The following NID1 variants were observed in gnomAD, a reference collection of about 807,000 sequenced individuals.
The protein encoded by NID1 is nidogen-1.
Under a neutral mutation model 130.6 loss-of-function variants are expected in NID1, and 76 were observed. That is an observed-to-expected ratio of 0.58 (90% CI 0.48 to 0.70). The LOEUF is 0.70. Among genes scored for constraint, NID1 ranks in the 30% least tolerant of loss-of-function variants. NID1 has a pLI of 0.00. For missense variants in NID1, 1,517 were observed against 1,664.8 expected, an observed-to-expected ratio of 0.91 and a Z score of 1.54; for synonymous variants, 665 against 675.1, an observed-to-expected ratio of 0.98 and a Z score of 0.23.
intron 10 of NID1, among the ~76,000 whole-genome samples, chr1:236,016,156 GAA>G (rs199651920): frequency 1.4e-5 from 2 of 142,874 alleles, no homozygotes. Flanking sequence ...CCCTACTGAG[GAA>G]AAAAAAAAAA....
chr1:235,998,812 T>C (rs1355267769), intron 12 of NID1, among the ~76,000 whole-genome samples: 2 of 152,244 alleles, frequency 1.3e-5, no homozygotes, highest in African/African-American at 2.4e-5. Context: ...TGATTCTCAT[T>C]GCAATCCTAT....
intron 1 of NID1, among the ~76,000 whole-genome samples, chr1:236,057,920 C>T (rs1558452215): frequency 6.6e-6 from 1 of 152,314 alleles, no homozygotes; most frequent in South Asian, 2.1e-4. Flanking sequence ...CTGCCCCTCT[C>T]TCTAAGTTTG....
intron 10 of NID1, 72 bp from the exon 11 acceptor site, chr1:236,013,632 T>C: frequency 6.3e-7 from 1 of 1,581,622 alleles, no homozygotes; most frequent in Non-Finnish European, 8.6e-7. Context: ...CCCTCCCAGC[T>C]CTATAAAGAG....
intron 1 of NID1, among the ~76,000 whole-genome samples, chr1:236,054,413 G>A (rs976694474): frequency 4.6e-5 from 7 of 152,014 alleles, no homozygotes; most frequent in African/African-American, 7.2e-5. Context: ...CCGAGACTGC[G>A]TCATTGCACT....
At chr1:236,010,350 G>A (rs1456338309) in intron 12 of NID1, among the ~76,000 whole-genome samples, 1 of 147,414 alleles carries the variant, frequency 6.8e-6, no homozygotes, top group African/African-American at 2.5e-5. Context: ...TGTCACCCAG[G>A]ATGGGGTGTA....
At position 236,029,538 on chromosome 1, in the gene NID1, G is replaced by A. The variant is rs766601726; in HGVS notation, c.1738+12C>T. The A allele has an allele frequency of 1.7e-5, 27 of 1,552,062 alleles. No homozygotes were observed. The highest frequency in any genetic ancestry group is 7.0e-6 in the Non-Finnish European group (8 of 1,147,950). On this transcript the variant is annotated intron_variant, in intron 7 of 19. Transcript: ENST00000264187. Reference sequence around the variant, plus strand: ...GGTCTGGGGCTGGCCCTGGGACACAGCTGGGGCTCACCTGAGGTGGAGTAG... The same window carrying A: ...GGTCTGGGGCTGGCCCTGGGACACAACTGGGGCTCACCTGAGGTGGAGTAG...
chr1:236,034,602 CAG>C (rs957082224), intron 5 of NID1, among the ~76,000 whole-genome samples: 5 of 152,152 alleles, frequency 3.3e-5, no homozygotes, highest in African/African-American at 1.2e-4. Context: ...CCTATAAAGA[CAG>C]AAAGTAGGTG....
intron 3 of NID1, among the ~76,000 whole-genome samples, chr1:236,045,206 CAAAA>C (rs201261106): frequency 1.1e-5 from 1 of 89,712 alleles, no homozygotes; most frequent in Non-Finnish European, 2.4e-5. Context: ...GGCTCTGTCT[CAAAA>C]AAAAAAAAAA....
In NID1 at chr1:236,025,994, C is replaced by T; in HGVS notation, c.1886G>A (p.Ser629Asn). ...VHDDSRPALP[S>N]TQQLSVDSVF... is the part of the protein sequence containing the mutation. ...GCTGTCCACCGAGAGCTGCTGGGTG[C>T]TGGGCAGGGCTGGCCGGGAGTCATC... The change falls in exon 8 of 20, where the codon AGC (serine) becomes AAC (asparagine). Residue 629 changes from serine (S) to asparagine (N), a missense_variant. This residue lies in a region of NID1 where 1,329 missense variants were observed against 1,429.2 expected (regional missense o/e 0.93). Transcript: ENST00000264187. 6.2e-7 allele frequency: 1 copy of T among 1,613,564 alleles called. No homozygotes were observed. Among genetic ancestry groups the T allele is most frequent in the Non-Finnish European group, 8.5e-7 (1 of 1,179,912 alleles).
chr1:235,982,933 G>T (rs1459092213), intron 15 of NID1, among the ~76,000 whole-genome samples: 3 of 152,148 alleles, frequency 2.0e-5, no homozygotes, highest in African/African-American at 7.2e-5. Flanking sequence ...GAGTGCAGTG[G>T]TGCCATCTCA....
chr1:236,034,599 A>G (rs1410291883), intron 5 of NID1, among the ~76,000 whole-genome samples: 6 of 152,210 alleles, frequency 3.9e-5, no homozygotes, highest in African/African-American at 1.4e-4. Context: ...ACACCTATAA[A>G]GACAGAAAGT....
At chr1:236,046,183 G>C (rs768156980) in intron 2 of NID1, among the ~76,000 whole-genome samples, 1 of 152,176 alleles carries the variant, frequency 6.6e-6, no homozygotes, top group Non-Finnish European at 1.5e-5. Context: ...TGACTTGGGC[G>C]TGATACTTGA....
intron 3 of NID1, among the ~76,000 whole-genome samples, 177 bp downstream of exon 3, chr1:236,045,280 A>G (rs1183233355): frequency 6.6e-6 from 1 of 152,040 alleles, no homozygotes; most frequent in African/African-American, 2.4e-5. Flanking sequence ...ATATCTGTTC[A>G]TTCTAAAAAT....
At chr1:236,039,029 T>A (rs1659361517) in intron 4 of NID1, among the ~76,000 whole-genome samples, 1 of 140,494 alleles carries the variant, frequency 7.1e-6, no homozygotes, top group Non-Finnish European at 1.5e-5. Flanking sequence ...TACATTATAT[T>A]ATATAATATA....
At chr1:236,028,025 T>C (rs928687986) in intron 7 of NID1, among the ~76,000 whole-genome samples, 6 of 152,194 alleles carry the variant, frequency 3.9e-5, no homozygotes, top group Admixed American at 3.3e-4. Context: ...TCGGCACTTC[T>C]ATTTCTAGGA....
chr1:235,993,815 G>C lies in NID1; in HGVS notation c.2585C>G (p.Ala862Gly), dbSNP rs144659138. 1 of 1,614,048 alleles carries C rather than the reference G, an allele frequency of 6.2e-7. No homozygotes were observed. The highest frequency in any genetic ancestry group is 8.5e-7 in the Non-Finnish European group (1 of 1,179,956). ...AGGAATGGGTCGCTGTGGGTCTGTC[G>C]CCCCCGCTGCCCCGAGAATGTGTTC... is the stretch of plus-strand genomic sequence containing the variant. ...EREHILGAAGATDPQRPIPPG... is the reference protein window; with the variant it reads ...EREHILGAAGGTDPQRPIPPG... Residue 862 changes from alanine to glycine, a missense_variant, in exon 13 of 20, where the codon GCG becomes GGG. Around this residue, in one of 3 missense-constraint regions of NID1, gnomAD observed 1,329 missense variants for 1,429.2 expected, o/e 0.93. Coordinates refer to ENST00000264187, the MANE Select transcript of NID1 (RefSeq NM_002508.3).
At chr1:236,005,820 G>A (rs1409715448) in intron 12 of NID1, among the ~76,000 whole-genome samples, 1 of 152,182 alleles carries the variant, frequency 6.6e-6, no homozygotes, top group East Asian at 1.9e-4. Context: ...TATCCAGCCT[G>A]CACTTTCTAA....
intron 3 of NID1, among the ~76,000 whole-genome samples, chr1:236,043,475 G>A (rs1659510776): frequency 6.6e-6 from 1 of 152,142 alleles, no homozygotes; most frequent in African/African-American, 2.4e-5. Context: ...AAGTGTGAGT[G>A]AAAACATTGC....
chr1:236,017,323 A>G, intron 9 of NID1, 50 bp from the exon 10 acceptor site: 2 of 1,593,188 alleles, frequency 1.3e-6, no homozygotes, highest in Non-Finnish European at 1.7e-6. Context: ...AAGCTCTTCA[A>G]ACATTACTGA....
Sources: gnomAD v4.1 joint callset for allele counts (sites outside exome capture counted in the v4.1 genomes callset) on GRCh38, gnomAD v4.1.1 for gene constraint, gnomAD v4.1.1 regional missense constraint, MANE v1.5 for transcripts, NCBI Gene and HGNC (gene_info 2026-07-23, HGNC 2026-07-21) for gene names.